Variants in FAF1 observed in about 807,000 individuals in gnomAD.
FAF1 encodes the protein FAS-associated factor 1.
A neutral mutation model predicts 92.5 loss-of-function variants in FAF1; 25 were observed. The observed-to-expected ratio is 0.27, with a 90% CI of 0.20 to 0.38. FAF1 has a LOEUF of 0.38. Ranked by LOEUF, FAF1 falls within the 10% of genes least tolerant of loss-of-function variation. The probability of loss-of-function intolerance (pLI) is 1.00; values close to 1 mark genes in which losing one functional copy is unlikely to be tolerated. For missense variants in FAF1, 636 were observed against 793.3 expected, an observed-to-expected ratio of 0.80 and a Z score of 2.38; for synonymous variants, 234 against 273.2, an observed-to-expected ratio of 0.86 and a Z score of 1.42.
chr1:50,449,585 G>A (rs1207821223), intron 18 of FAF1, among the ~76,000 whole-genome samples: 1 of 150,736 alleles, frequency 6.6e-6, no homozygotes, highest in East Asian at 2.0e-4. Flanking sequence ...TGCCTCCAGG[G>A]TTCAAGTGAT....
chr1:50,744,305 G>A (rs1013270452), intron 5 of FAF1, among the ~76,000 whole-genome samples: 8 of 151,924 alleles, frequency 5.3e-5, no homozygotes, highest in Non-Finnish European at 7.4e-5. Flanking sequence ...AAATGTATAC[G>A]CTGCATGTGA....
At chr1:50,691,656 A>T (rs1656930751) in intron 7 of FAF1, among the ~76,000 whole-genome samples, 1 of 151,106 alleles carries the variant, frequency 6.6e-6, no homozygotes, top group African/African-American at 2.4e-5. Context: ...CAATGGCGCG[A>T]TCTCGGCTTA....
At chr1:50,522,681 A>G (rs1348619234) in intron 15 of FAF1, among the ~76,000 whole-genome samples, 2 of 152,168 alleles carry the variant, frequency 1.3e-5, no homozygotes, top group Admixed American at 6.5e-5. Context: ...AACTTTTCCA[A>G]TTTCCAGCCC....
At chr1:50,470,531 T>C (rs1045098930) in intron 18 of FAF1, among the ~76,000 whole-genome samples, 3 of 152,214 alleles carry the variant, frequency 2.0e-5, no homozygotes, top group Admixed American at 6.5e-5. Context: ...TAACTCAAAT[T>C]TGATATCCAT....
At position 50,884,361 on chromosome 1, in the gene FAF1, G is replaced by GA. The variant is rs990321684; in HGVS notation, c.46-26365dup. On this transcript the variant is annotated intron_variant, in intron 1 of 18. Transcript: ENST00000396153. ...AAACCCTGCCTCTACTAAAAAAAAA[G>GA]AAAAAAAAAATACAAAATTAGCCGG... Among the ~76,000 whole-genome samples, 116 of 144,000 alleles carry GA rather than the reference G, an allele frequency of 8.1e-4. No individual in the cohort carries two copies. In the East Asian group the frequency reaches 0.012, roughly 15 times the overall value. 94.5% of individuals were successfully genotyped at this position (144,000 alleles called of 152,430 possible). A position where few individuals can be genotyped will look rare whatever the true frequency, so the allele number is the denominator to read the frequency against.
chr1:50,813,221 A>T (rs1427058779), intron 2 of FAF1, among the ~76,000 whole-genome samples: 3 of 152,020 alleles, frequency 2.0e-5, no homozygotes, highest in Non-Finnish European at 2.9e-5. Flanking sequence ...AATAAATTTT[A>T]AAAAAAAGAA....
At chr1:50,552,027 G>C (rs1649330591) in intron 13 of FAF1, among the ~76,000 whole-genome samples, 1 of 152,102 alleles carries the variant, frequency 6.6e-6, no homozygotes. Context: ...AGGTGCGGTG[G>C]CTCATGCTCA....
chr1:50,615,733 T>C (rs746534796), intron 8 of FAF1, among the ~76,000 whole-genome samples: 1 of 152,196 alleles, frequency 6.6e-6, no homozygotes. Flanking sequence ...TTTGTTTCAG[T>C]TCCTTACAGA....
intron 1 of FAF1, among the ~76,000 whole-genome samples, chr1:50,870,822 C>T (rs548809219): frequency 6.6e-6 from 1 of 152,254 alleles, no homozygotes; most frequent in South Asian, 2.1e-4. Context: ...AATAATCCAA[C>T]AATAGCCTCT....
chr1:50,585,037 T>G (rs779523601), intron 9 of FAF1, among the ~76,000 whole-genome samples: 5 of 152,176 alleles, frequency 3.3e-5, no homozygotes, highest in Non-Finnish European at 5.9e-5. Context: ...AAATGAAGAA[T>G]GCTTACAAAC....
chr1:50,488,142 C>G (rs1646788323), intron 17 of FAF1, among the ~76,000 whole-genome samples: 2 of 152,150 alleles, frequency 1.3e-5, no homozygotes, highest in South Asian at 4.1e-4. Context: ...ATAGTATTAT[C>G]CAAACTTGCA....
intron 8 of FAF1, among the ~76,000 whole-genome samples, chr1:50,638,536 A>G (rs2124234716): frequency 6.8e-6 from 1 of 147,212 alleles, no homozygotes; most frequent in Middle Eastern, 3.5e-3. Context: ...CTTCTGCCTC[A>G]TGGGTTCAAG....
At chr1:50,660,191 T>A (rs1655310210) in intron 7 of FAF1, among the ~76,000 whole-genome samples, 2 of 152,210 alleles carry the variant, frequency 1.3e-5, no homozygotes, top group South Asian at 4.1e-4. Context: ...TTAAATTTCA[T>A]CAGAATTTCT....
At chr1:50,685,889 A>C (rs1216633440) in intron 7 of FAF1, among the ~76,000 whole-genome samples, 1 of 152,256 alleles carries the variant, frequency 6.6e-6, no homozygotes, top group Non-Finnish European at 1.5e-5. Context: ...CTATGAAGTA[A>C]AAACCATTCT....
At chr1:50,490,270 G>C (rs369870162) in intron 17 of FAF1, among the ~76,000 whole-genome samples, 1 of 152,096 alleles carries the variant, frequency 6.6e-6, no homozygotes, top group African/African-American at 2.4e-5. Context: ...TGAGGCAGGA[G>C]AATCACTTGA....
chr1:50,594,018 A>C (rs943216525), intron 9 of FAF1, among the ~76,000 whole-genome samples: 1 of 152,216 alleles, frequency 6.6e-6, no homozygotes, highest in Non-Finnish European at 1.5e-5. Context: ...TGTCTTAAAA[A>C]ATTCTAGTTT....
intron 6 of FAF1, among the ~76,000 whole-genome samples, chr1:50,717,999 ATTTATTTAT>A (rs1448478254): frequency 7.1e-6 from 1 of 141,772 alleles, no homozygotes; most frequent in Admixed American, 6.8e-5. Context: ...TTATTTATTT[ATTTATTTAT>A]TTATTTATTT....
At chr1:50,697,868 A>G (rs950862033) in intron 7 of FAF1, among the ~76,000 whole-genome samples, 1 of 152,212 alleles carries the variant, frequency 6.6e-6, no homozygotes, top group Non-Finnish European at 1.5e-5. Context: ...ATTGAGCAGC[A>G]GGATTTTTTA....
chr1:50,568,785 G>C (rs1421386555), intron 12 of FAF1, among the ~76,000 whole-genome samples: 3 of 152,082 alleles, frequency 2.0e-5, no homozygotes, highest in Admixed American at 2.0e-4. Flanking sequence ...TGGTAGCAGG[G>C]AAATCAACCA....
Sources: allele counts gnomAD v4.1 joint callset (sites outside exome capture counted in the v4.1 genomes callset), GRCh38; gene constraint gnomAD v4.1.1; transcripts MANE v1.5; gene names NCBI Gene and HGNC (gene_info 2026-07-23, HGNC 2026-07-21).